Variants in DISP1 observed in about 807,000 individuals in gnomAD.
The protein encoded by DISP1 is dispatched RND transporter family member 1.
A neutral mutation model predicts 37.3 loss-of-function variants in DISP1; 30 were observed. That is an observed-to-expected ratio of 0.80 (90% CI 0.60 to 1.09). The LOEUF (loss-of-function observed/expected upper bound fraction) is 1.09. DISP1 is among the 50% of genes least tolerant of loss of function. The pLI is 0.00. For synonymous variants in DISP1, 634 were observed against 690.2 expected (o/e 0.92, Z 1.28); for missense variants, 1,598 against 1,879.5 (o/e 0.85, Z 2.77).
chr1:222,982,177 C>T (rs1216065714), intron 3 of DISP1, among the ~76,000 whole-genome samples: 1 of 152,192 alleles, frequency 6.6e-6, no homozygotes, highest in East Asian at 1.9e-4. Flanking sequence ...TACTAAAAGC[C>T]GTATTCTCAT....
chr1:222,968,539 A>G (rs560845607), intron 3 of DISP1, among the ~76,000 whole-genome samples: 7 of 152,346 alleles, frequency 4.6e-5, no homozygotes, highest in East Asian at 1.9e-4. Flanking sequence ...TGGAAATTCA[A>G]TCCCATAGCT....
At chr1:222,951,345 A>G (rs2609380) in intron 3 of DISP1, among the ~76,000 whole-genome samples, 151,364 of 151,404 alleles carry the variant, frequency 1, 75,662 homozygotes, top group Non-Finnish European at 1. Context: ...GTTATTTTCT[A>G]TGAAGGGGCC....
intron 1 of DISP1, among the ~76,000 whole-genome samples, chr1:222,898,516 T>C (rs776398898): frequency 6.6e-5 from 10 of 150,924 alleles, no homozygotes; most frequent in Non-Finnish European, 1.5e-4. Context: ...ACTTATCCCT[T>C]AAACCATTTT....
chr1:222,842,511 T>C (rs1327132815), intron 1 of DISP1, among the ~76,000 whole-genome samples: 2 of 152,080 alleles, frequency 1.3e-5, no homozygotes, highest in Non-Finnish European at 2.9e-5. Flanking sequence ...AATTGCTTTA[T>C]ATTAAATATC....
chr1:222,956,972 C>T (rs1261291362), intron 3 of DISP1, among the ~76,000 whole-genome samples: 1 of 151,856 alleles, frequency 6.6e-6, no homozygotes, highest in Non-Finnish European at 1.5e-5. Context: ...TAAAATGTAA[C>T]ACATGGGACT....
chr1:222,922,154 G>T (rs1429189520), intron 1 of DISP1, among the ~76,000 whole-genome samples: 1 of 152,150 alleles, frequency 6.6e-6, no homozygotes, highest in African/African-American at 2.4e-5. Context: ...TTTGGCAAGG[G>T]CAGTGAGTGG....
At position 223,004,498 on chromosome 1, in the gene DISP1, T is replaced by C; in HGVS notation, c.3101T>C (p.Leu1034Pro). ...TCTCTTGTCCTGCTGGGCTGGGAGC[T>C]CAATGTGTTGGAATCTGTCACCATT... ...VGSLVLLGWE[L>P]NVLESVTISV... The change falls in exon 9 of 9, where the codon CTC (leucine) becomes CCC (proline). Residue 1034 changes from leucine (L) to proline (P), a missense_variant. Coordinates refer to ENST00000675850, the MANE Select transcript of DISP1 (RefSeq NM_001377229.1). The surrounding 1 kb of genome is among the most constrained non-coding windows in gnomAD (Gnocchi z 4.9). The C allele has an allele frequency of 6.2e-7, 1 of 1,614,212 alleles. No individual in the cohort carries two copies. The highest frequency in any genetic ancestry group is 8.5e-7 in the Non-Finnish European group (1 of 1,180,040).
At chr1:222,898,221 G>T (rs948920093) in intron 1 of DISP1, among the ~76,000 whole-genome samples, 1 of 152,166 alleles carries the variant, frequency 6.6e-6, no homozygotes, top group African/African-American at 2.4e-5. Context: ...TGCACTAGCA[G>T]ATGTATTATA....
At chr1:222,864,306 A>G (rs1304985671) in intron 1 of DISP1, among the ~76,000 whole-genome samples, 1 of 152,230 alleles carries the variant, frequency 6.6e-6, no homozygotes, top group Non-Finnish European at 1.5e-5. Flanking sequence ...TGAATGAATG[A>G]GTGAATACAT....
intron 8 of DISP1, among the ~76,000 whole-genome samples, chr1:222,996,168 G>T (rs1679055501): frequency 6.6e-6 from 1 of 152,086 alleles, no homozygotes; most frequent in Non-Finnish European, 1.5e-5. Context: ...TTCTTAATTG[G>T]TGATCAATTT....
chr1:222,878,573 TC>T (rs1670099416), intron 1 of DISP1, among the ~76,000 whole-genome samples: 1 of 152,186 alleles, frequency 6.6e-6, no homozygotes, highest in Non-Finnish European at 1.5e-5. Context: ...GGGTTTATTA[TC>T]TCCAAGGCCC....
At chr1:222,820,101 G>A (rs1479307241) in intron 1 of DISP1, among the ~76,000 whole-genome samples, 1 of 152,088 alleles carries the variant, frequency 6.6e-6, no homozygotes, top group African/African-American at 2.4e-5. Flanking sequence ...TCAATCCAGT[G>A]CCCTTTCAGC....
At chr1:222,887,424 A>G (rs1670656199) in intron 1 of DISP1, among the ~76,000 whole-genome samples, 1 of 149,110 alleles carries the variant, frequency 6.7e-6, no homozygotes, top group South Asian at 2.1e-4. Context: ...CAAAATATTT[A>G]TGTTAGTTTT....
At chr1:222,861,100 C>T (rs1456236174) in intron 1 of DISP1, among the ~76,000 whole-genome samples, 1 of 152,142 alleles carries the variant, frequency 6.6e-6, no homozygotes, top group Non-Finnish European at 1.5e-5. Flanking sequence ...GCCAGGGTAT[C>T]TTCTCTTTAG....
intron 3 of DISP1, among the ~76,000 whole-genome samples, chr1:222,976,814 G>A (rs1251212686): frequency 6.6e-6 from 1 of 152,060 alleles, no homozygotes; most frequent in Admixed American, 6.5e-5. Context: ...CAGAATTATG[G>A]CTGTGAGGAT....
intron 1 of DISP1, among the ~76,000 whole-genome samples, chr1:222,921,674 AC>A (rs1400256642): frequency 1.3e-5 from 2 of 152,208 alleles, no homozygotes; most frequent in East Asian, 3.8e-4. Flanking sequence ...TAATTTACAG[AC>A]TACATTTCAA....
At chr1:222,991,788 T>C in intron 6 of DISP1, 141 bp downstream of exon 6, 1 of 1,053,160 alleles carries the variant, frequency 9.5e-7, no homozygotes, top group Non-Finnish European at 1.4e-6. Context: ...TAACTTGTCA[T>C]TGTGTTTGAA....
intron 1 of DISP1, among the ~76,000 whole-genome samples, chr1:222,887,553 C>A (rs1425379624): frequency 2.1e-5 from 2 of 95,304 alleles, no homozygotes; most frequent in Non-Finnish European, 4.4e-5. Context: ...CTGCGGACTG[C>A]AGTGGCGCAA....
Position 222,976,747 on chromosome 1 carries a change from A to G in DISP1, c.510-6333A>G, listed in dbSNP as rs1677361891. On this transcript the variant is annotated intron_variant, in intron 3 of 8. Transcript: ENST00000675850. ...AGTTAGTGGCAGAGAGAGGGTTTAC[A>G]TTTGTTACAACCCAAATGTCTGTAA... Among the ~76,000 whole-genome samples, 5 of 152,244 alleles carry G rather than the reference A, an allele frequency of 3.3e-5. No homozygotes were observed. The South Asian group carries it at 1.0e-3, about 32-fold the overall frequency.
Sources: gnomAD v4.1 joint callset for allele counts (sites outside exome capture counted in the v4.1 genomes callset) on GRCh38, gnomAD v4.1.1 for gene constraint, Gnocchi (gnomAD v3.1) non-coding constraint, MANE v1.5 for transcripts, NCBI Gene and HGNC (gene_info 2026-07-23, HGNC 2026-07-21) for gene names.